TAFA5: variants seen among roughly 807,000 people sequenced by gnomAD.
The protein encoded by TAFA5 is chemokine-like protein TAFA-5.
TAFA5 carries 6 observed loss-of-function variants against 15.3 expected under a neutral mutation model. The ratio of observed to expected loss-of-function variants is 0.39; its 90% CI spans 0.21 to 0.77. The LOEUF is 0.77. TAFA5 is among the 30% of genes least tolerant of loss of function. The pLI, the probability that TAFA5 is intolerant of heterozygous loss-of-function variation, is 0.41. For missense variants in TAFA5, 161 were observed against 193.1 expected (o/e 0.83, Z 0.98); for synonymous variants, 103 against 80.7 (o/e 1.28, Z -1.48).
At chr22:48,633,769 A>C (rs1926333618) in intron 1 of TAFA5, among the ~76,000 whole-genome samples, 1 of 152,166 alleles carries the variant, frequency 6.6e-6, no homozygotes, top group African/African-American at 2.4e-5. Flanking sequence ...TTACATATTA[A>C]GTCATCTTTA....
chr22:48,629,815 A>G (rs6010600), intron 1 of TAFA5, among the ~76,000 whole-genome samples: 96,156 of 152,000 alleles, frequency 0.63, 31,008 homozygotes, highest in African/African-American at 0.72. Flanking sequence ...TCGCCTCTGC[A>G]GGAAACCCTG....
Position 48,598,768 on chromosome 22 carries a change from G to A in TAFA5, c.113-47829G>A, listed in dbSNP as rs928429265. 9.9e-5 allele frequency among the ~76,000 whole-genome samples: 15 copies of A among 152,072 alleles called. No individual in the cohort carries two copies. The highest frequency in any genetic ancestry group is 5.2e-4 in the Admixed American group (8 of 15,246). On this transcript the variant is annotated intron_variant, in intron 1 of 3. Coordinates refer to ENST00000402357, the MANE Select transcript of TAFA5 (RefSeq NM_001082967.3). This position sits in a 1 kb window ranked among gnomAD's most constrained non-coding sequence, Gnocchi z 4.0. Reference sequence around the variant, plus strand: ...CTGAGACCCCACCGAGGAAGGGCTCGGTCCCACAAGACTGCTCCCCCTTCA... The same window carrying A: ...CTGAGACCCCACCGAGGAAGGGCTCAGTCCCACAAGACTGCTCCCCCTTCA...
rs554494720 is a variant in TAFA5 at position 48,707,930 on chromosome 22, A to G, written c.390+86A>G. The G allele has an allele frequency of 6.0e-5, 91 of 1,519,792 alleles. No individual in the cohort carries two copies. The African/African-American group carries it at 1.1e-3, about 18-fold the overall frequency. 94.1% of individuals were successfully genotyped at this position (1,519,792 alleles called of 1,614,324 possible). ...CCGACGCCACCCGGGCTCCGCGGGG[A>G]CAGGTGGCAGCTGCTCACTCCATCC... is the stretch of plus-strand genomic sequence containing the variant. On this transcript the variant is annotated intron_variant, in intron 3 of 3. Transcript: ENST00000402357.
chr22:48,565,551 A>T (rs1431482323), intron 1 of TAFA5, among the ~76,000 whole-genome samples: 2 of 152,188 alleles, frequency 1.3e-5, no homozygotes, highest in African/African-American at 4.8e-5. Context: ...GCAGAATCTG[A>T]TGTTTTCCCC....
chr22:48,543,375 G>T (rs948517462), intron 1 of TAFA5: 1 of 152,184 alleles, frequency 6.6e-6, no homozygotes, highest in Admixed American at 6.5e-5. Context: ...CCGAGTGGAG[G>T]GGAGGTGACC....
In TAFA5 at chr22:48,551,552, A is replaced by T. The variant is rs187343708; in HGVS notation, c.112+61848A>T. Among the ~76,000 whole-genome samples, 27 of 152,256 alleles carry T rather than the reference A, an allele frequency of 1.8e-4. No individual in the cohort carries two copies. The East Asian group carries it at 3.7e-3, about 21-fold the overall frequency. ...CAGCCCATCAAGAATTCCGCTCCAG[A>T]ACTCCTTGATATTTGGCTTAAAGTT... On this transcript the variant is annotated intron_variant, in intron 1 of 3. Transcript: ENST00000402357.
chr22:48,739,020 T>C (rs889846580), intron 3 of TAFA5, among the ~76,000 whole-genome samples: 6 of 152,186 alleles, frequency 3.9e-5, no homozygotes, highest in Non-Finnish European at 7.3e-5. Flanking sequence ...TGAACCTTAA[T>C]GCTTTGCTCC....
Position 48,740,301 on chromosome 22 carries a change from T to TG in TAFA5, c.391-9534dup, listed in dbSNP as rs202216105. Reference sequence around the variant, plus strand: ...GAGGTGGCTGCAGGAGCGGGGGCCCTGGGGCAGACGAGCTGGTCGCAGAGC... The same window carrying TG: ...GAGGTGGCTGCAGGAGCGGGGGCCCTGGGGGCAGACGAGCTGGTCGCAGAGC... On this transcript the variant is annotated intron_variant, in intron 3 of 3. Coordinates refer to ENST00000402357, the MANE Select transcript of TAFA5 (RefSeq NM_001082967.3). Among the ~76,000 whole-genome samples the TG allele has an allele frequency of 7.8e-3, 1,184 of 152,252 alleles. 16 individuals carry two copies. Among genetic ancestry groups the TG allele is most frequent in the African/African-American group, 0.027 (1,117 of 41,538 alleles).
At chr22:48,712,202 A>G (rs976743247) in intron 3 of TAFA5, among the ~76,000 whole-genome samples, 1 of 152,118 alleles carries the variant, frequency 6.6e-6, no homozygotes, top group African/African-American at 2.4e-5. Flanking sequence ...AATTACAGGC[A>G]CCCACCATCA....
chr22:48,494,169 G>C (rs1188376175), intron 1 of TAFA5, among the ~76,000 whole-genome samples: 1 of 152,202 alleles, frequency 6.6e-6, no homozygotes, highest in African/African-American at 2.4e-5. Flanking sequence ...GTGGCATGAA[G>C]CATTTTCAGG....
chr22:48,710,071 C>A (rs1729510388), intron 3 of TAFA5, among the ~76,000 whole-genome samples: 1 of 152,210 alleles, frequency 6.6e-6, no homozygotes, highest in Non-Finnish European at 1.5e-5. Flanking sequence ...GCATTTGCAT[C>A]CCCCTGGAGG....
intron 1 of TAFA5, among the ~76,000 whole-genome samples, chr22:48,556,595 A>G (rs1323410793): frequency 6.6e-6 from 1 of 152,248 alleles, no homozygotes; most frequent in Non-Finnish European, 1.5e-5. Context: ...GCGCTGGGGC[A>G]GCAGGGGATT....
chr22:48,498,828 C>A (rs1363448107), intron 1 of TAFA5, among the ~76,000 whole-genome samples: 1 of 152,218 alleles, frequency 6.6e-6, no homozygotes. Context: ...CTCTAGCGCA[C>A]CTATACCTTG....
At chr22:48,492,951 G>A (rs1203662369) in intron 1 of TAFA5, among the ~76,000 whole-genome samples, 1 of 152,190 alleles carries the variant, frequency 6.6e-6, no homozygotes, top group African/African-American at 2.4e-5. Flanking sequence ...GCCTAGATGT[G>A]GTTCTTGCCT....
At chr22:48,539,691 A>G (rs1922292699) in intron 1 of TAFA5, among the ~76,000 whole-genome samples, 2 of 152,208 alleles carry the variant, frequency 1.3e-5, no homozygotes, top group South Asian at 4.1e-4. Context: ...AAATGAAGAA[A>G]TATCCAGCAA....
chr22:48,687,690 A>G (rs1433073193), intron 2 of TAFA5, among the ~76,000 whole-genome samples: 1 of 152,106 alleles, frequency 6.6e-6, no homozygotes, highest in African/African-American at 2.4e-5. Flanking sequence ...TCACTCTCCC[A>G]GTGACAGATC....
intron 1 of TAFA5, among the ~76,000 whole-genome samples, chr22:48,634,173 C>T (rs556747582): frequency 6.6e-6 from 1 of 151,284 alleles, no homozygotes; most frequent in African/African-American, 2.4e-5. Context: ...CAATCATTTA[C>T]TCATTCACCC....
intron 2 of TAFA5, among the ~76,000 whole-genome samples, chr22:48,658,596 C>T (rs1927328677): frequency 6.6e-6 from 1 of 152,232 alleles, no homozygotes; most frequent in Non-Finnish European, 1.5e-5. Flanking sequence ...ATTGTACAAA[C>T]ACCCACCCAG....
At chr22:48,636,667 GC>G (rs921842667) in intron 1 of TAFA5, among the ~76,000 whole-genome samples, 24 of 77,478 alleles carry the variant, frequency 3.1e-4, no homozygotes, top group African/African-American at 1.3e-3. Flanking sequence ...CCTTGATGGT[GC>G]CCCCACTTGT....
Sources: gnomAD v4.1 joint callset for allele counts (sites outside exome capture counted in the v4.1 genomes callset) on GRCh38, gnomAD v4.1.1 for gene constraint, Gnocchi (gnomAD v3.1) non-coding constraint, MANE v1.5 for transcripts, NCBI Gene and HGNC (gene_info 2026-07-23, HGNC 2026-07-21) for gene names.